Variants in HELB observed in about 807,000 individuals in gnomAD.
HELB encodes DNA helicase B, also known as DNA 5'-3' helicase B.
In HELB, 96 loss-of-function variants were observed where a neutral mutation model predicts 101.7. The ratio of observed to expected loss-of-function variants is 0.94; its 90% confidence interval spans 0.80 to 1.12. The LOEUF (loss-of-function observed/expected upper bound fraction) is 1.12. Among genes scored for constraint, HELB ranks in the 50% most tolerant of loss-of-function variants. HELB has a pLI of 0.00. For missense variants in HELB, 1,210 were observed against 1,291.9 expected (o/e 0.94, Z 0.97); for synonymous variants, 437 against 459.7 (o/e 0.95, Z 0.63).
At chr12:66,326,101 A>G (rs1159156170) in intron 11 of HELB, among the ~76,000 whole-genome samples, 1 of 152,156 alleles carries the variant, frequency 6.6e-6, no homozygotes, top group Non-Finnish European at 1.5e-5. Flanking sequence ...AGGACAGCAT[A>G]TTGAGTTTAG....
chr12:66,318,658 C>T lies in HELB; in HGVS notation c.2021C>T (p.Pro674Leu), dbSNP rs748005915. 6.3e-7 allele frequency: 1 copy of T among 1,593,148 alleles called. No homozygotes were observed. Among genetic ancestry groups the T allele is most frequent in the South Asian group, 1.2e-5 (1 of 86,624 alleles). The change falls in exon 7 of 13, where the codon CCA (proline) becomes CTA (leucine). Residue 674 changes from proline to leucine, a missense_variant. By Grantham distance (98) the Pro-to-Leu change is moderately conservative. Around this residue, in one of 2 missense-constraint regions of HELB, gnomAD observed 740 missense variants for 728.8 expected, o/e 1.02. Coordinates refer to ENST00000247815, the MANE Select transcript of HELB (RefSeq NM_001370285.1). ...TCAAGAATCTCAAGACGCCAATTTC[C>T]AAAATTTGATGCAGAACTAAATATC... is the stretch of plus-strand genomic sequence containing the variant. ...NATRISRRQF[P>L]KFDAELNISD...
chr12:66,305,530 G>A lies in HELB; in HGVS notation c.607+380G>A, dbSNP rs531821728. Among the ~76,000 whole-genome samples the A allele has an allele frequency of 1.3e-4, 20 of 152,058 alleles. 1 individual carries two copies. The East Asian group carries it at 3.1e-3, about 23-fold the overall frequency. The stretch of plus-strand genomic sequence containing the variant: ...ACTGAGGCAGGAGGATCACTTGAGC[G>A]CAGGAGATCGAGACTAGCCTGAGCA... On this transcript the variant is annotated intron_variant, in intron 2 of 12. Coordinates refer to ENST00000247815, the MANE Select transcript of HELB (RefSeq NM_001370285.1).
intron 4 of HELB, among the ~76,000 whole-genome samples, chr12:66,311,808 G>T (rs185974501): frequency 6.6e-6 from 1 of 152,156 alleles, no homozygotes; most frequent in Admixed American, 6.6e-5. Context: ...AGTTGGAGAG[G>T]TTCCTCTAGC....
chr12:66,336,638 A>G (rs938691071), intron 12 of HELB, among the ~76,000 whole-genome samples: 2 of 152,196 alleles, frequency 1.3e-5, no homozygotes, highest in Admixed American at 1.3e-4. Context: ...GATATGGCAC[A>G]GGGAAAACGT....
At position 66,324,224 on chromosome 12, in the gene HELB, A is replaced by G; in HGVS notation, c.2526+13A>G. On this transcript the variant is annotated intron_variant, in intron 10 of 12. Coordinates refer to ENST00000247815, the MANE Select transcript of HELB (RefSeq NM_001370285.1). ...TTTCATAACAAATGTAAGTGAAAAC[A>G]GAAGATAATATCTTTTAACTAATTA... The G allele has an allele frequency of 6.6e-7, 1 of 1,514,462 alleles. No individual in the cohort carries two copies. The highest frequency in any genetic ancestry group is 9.2e-7 in the Non-Finnish European group (1 of 1,090,580). The allele number at this position is 1,514,462 out of a possible 1,614,324, so 93.8% of individuals were successfully genotyped here.
chr12:66,326,046 A>C (rs1038174630), intron 11 of HELB, among the ~76,000 whole-genome samples: 8 of 152,352 alleles, frequency 5.3e-5, no homozygotes, highest in African/African-American at 1.9e-4. Context: ...AACTATGCAT[A>C]TTCGAATTGC....
At position 66,318,618 on chromosome 12, in the gene HELB, G is replaced by A; in HGVS notation, c.2001-20G>A. The A allele has an allele frequency of 6.3e-7, 1 of 1,585,148 alleles. No individual in the cohort carries two copies. Among genetic ancestry groups the A allele is most frequent in the Non-Finnish European group, 8.5e-7 (1 of 1,171,788 alleles). On this transcript the variant is annotated intron_variant, in intron 6 of 12. Transcript: ENST00000247815. The stretch of plus-strand genomic sequence containing the variant: ...TTGGATGATAATGTTCTTTGTGTGT[G>A]TGTGTTATCTTTATTCAAGAATCTC...
chr12:66,321,974 C>A lies in HELB; in HGVS notation c.2182C>A (p.Leu728Ile). 1.7e-6 allele frequency: 2 copies of A among 1,189,316 alleles called. No homozygotes were observed. Among genetic ancestry groups the A allele is most frequent in the Non-Finnish European group, 2.4e-6 (2 of 823,912 alleles). 73.7% of individuals were successfully genotyped at this position (1,189,316 alleles called of 1,614,324 possible). A position where few individuals can be genotyped will look rare whatever the true frequency, so the allele number is the denominator to read the frequency against. ...SCLYSAVKTL[L>I]QENNLQNAKT... Reference sequence around the variant, plus strand: ...TTTATATTCTGCAGTTAAAACTTTACTACAAGAAAATAACTTACAAAATGC... The same window carrying A: ...TTTATATTCTGCAGTTAAAACTTTAATACAAGAAAATAACTTACAAAATGC... Residue 728 changes from leucine (L) to isoleucine (I), a missense_variant, in exon 8 of 13, where the codon CTA (leucine) becomes ATA (isoleucine). Leu to Ile is a conservative substitution (Grantham distance 5, BLOSUM62 2). Coordinates refer to ENST00000247815, the MANE Select transcript of HELB (RefSeq NM_001370285.1).
chr12:66,303,586 T>A (rs1342902689), intron 1 of HELB, among the ~76,000 whole-genome samples: 3 of 151,958 alleles, frequency 2.0e-5, no homozygotes, highest in Non-Finnish European at 4.4e-5. Flanking sequence ...TGAGCTGAGA[T>A]CACACCATTG....
rs2053638545 is a variant in HELB, at chr12:66,318,779, T to C, written c.2142T>C (p.Thr714=). The C allele has an allele frequency of 6.2e-7, 1 of 1,605,372 alleles. No homozygotes were observed. Among genetic ancestry groups the C allele is most frequent in the Non-Finnish European group, 8.5e-7 (1 of 1,177,334 alleles). The stretch of plus-strand genomic sequence containing the variant: ...ATGCCAGTTCTCAGTCATCTAAAAC[T>C]AATCATCACTCTTGTAAGTATAAAC... ...EEDASSQSSK[T]NHHSCLYSAV... is the part of the protein sequence containing the mutation. The change falls in exon 7 of 13, where the codon ACT becomes ACC. Residue 714 remains threonine (T), a synonymous_variant. Coordinates refer to ENST00000247815, the MANE Select transcript of HELB (RefSeq NM_001370285.1).
At chr12:66,304,686 A>G in intron 1 of HELB, 45 bp from the exon 2 acceptor site, 1 of 1,520,074 alleles carries the variant, frequency 6.6e-7, no homozygotes, top group Non-Finnish European at 8.9e-7. Context: ...TTTCTAAATA[A>G]TCTCCAGAGT....
intron 6 of HELB, among the ~76,000 whole-genome samples, chr12:66,318,159 A>G (rs985975243): frequency 2.0e-5 from 3 of 152,182 alleles, no homozygotes; most frequent in Non-Finnish European, 4.4e-5. Context: ...GTTCAAATTA[A>G]TTTATATAGA....
chr12:66,302,621 G>A lies in HELB; in HGVS notation c.18G>A (p.Pro6=), dbSNP rs769301906. The change falls in exon 1 of 13, where the codon CCG becomes CCA. Residue 6 remains proline (P), a synonymous_variant. Transcript: ENST00000247815. The stretch of plus-strand genomic sequence containing the variant: ...GGAGAAGCATGGCCAGGTCGAGTCC[G>A]TACCTGCGCCAACTTCAGGGACCTC... MARSS[P]YLRQLQGPLL... The A allele has an allele frequency of 3.1e-6, 5 of 1,613,784 alleles. No individual in the cohort carries two copies. In the South Asian group the frequency reaches 5.5e-5, roughly 18 times the overall value.
chr12:66,313,912 A>G (rs1484573759), intron 4 of HELB, 74 bp from the exon 5 acceptor site: 2 of 1,421,212 alleles, frequency 1.4e-6, no homozygotes, highest in Admixed American at 1.7e-5. Context: ...TTTTGCCCCA[A>G]AATAACTTGC....
rs2053802202 is a variant in HELB at position 66,331,232 on chromosome 12, A to C, written c.2749A>C (p.Thr917Pro). 1 of 1,614,216 alleles carries C rather than the reference A, an allele frequency of 6.2e-7. No individual in the cohort carries two copies. Among genetic ancestry groups the C allele is most frequent in the Non-Finnish European group, 8.5e-7 (1 of 1,180,028 alleles). The change falls in exon 12 of 13, where the codon ACC becomes CCC. Residue 917 changes from threonine (T) to proline (P), a missense_variant. Around this residue, in one of 2 missense-constraint regions of HELB, gnomAD observed 740 missense variants for 728.8 expected, o/e 1.02. Coordinates refer to ENST00000247815, the MANE Select transcript of HELB (RefSeq NM_001370285.1). ...QHWQHVYTAV[T>P]RGRCRVYVIA... ...CTGGCAGCATGTCTACACCGCCGTGACCAGGGGCCGCTGCCGAGTGTATGT... is the reference window on the plus strand; with the variant it reads ...CTGGCAGCATGTCTACACCGCCGTGCCCAGGGGCCGCTGCCGAGTGTATGT...
In HELB at chr12:66,302,512, A is replaced by G. The variant is rs1381874206; in HGVS notation, c.-92A>G. The G allele has an allele frequency of 2.5e-6, 3 of 1,180,378 alleles. No individual in the cohort carries two copies. The Admixed American group carries it at 6.9e-5, about 27-fold the overall frequency. 73.1% of individuals were successfully genotyped at this position (1,180,378 alleles called of 1,614,324 possible). A position where few individuals can be genotyped will look rare whatever the true frequency, so the allele number is the denominator to read the frequency against. On this transcript the variant is annotated 5_prime_UTR_variant, in exon 1 of 13. It removes an upstream start codon present in the reference 5' UTR. Transcript: ENST00000247815. ...GCCGCCAGGCCGTTCCCGGAAGTTG[A>G]TGGCCTTACAGTCGTAGAACTGATT...
chr12:66,310,659 C>T (rs967249059), intron 4 of HELB, 51 bp downstream of exon 4: 2 of 1,521,608 alleles, frequency 1.3e-6, no homozygotes, highest in Non-Finnish European at 8.9e-7. Context: ...CGGCCGGGCA[C>T]AGTGGCTCAC....
intron 9 of HELB, among the ~76,000 whole-genome samples, chr12:66,322,996 A>T (rs2053689771): frequency 6.6e-6 from 1 of 152,024 alleles, no homozygotes; most frequent in Non-Finnish European, 1.5e-5. Context: ...TAAGAAGAAA[A>T]ATTAGGAGTG....
intron 4 of HELB, among the ~76,000 whole-genome samples, chr12:66,311,036 G>A (rs10784524): frequency 0.63 from 96,361 of 152,000 alleles, 31,659 homozygotes; most frequent in Middle Eastern, 0.82. Context: ...TGCAGTAACT[G>A]ATCATTTAGA....
Sources: allele counts gnomAD v4.1 joint callset (sites outside exome capture counted in the v4.1 genomes callset), GRCh38; gene constraint gnomAD v4.1.1; regional missense constraint gnomAD v4.1.1; transcripts MANE v1.5; gene names NCBI Gene and HGNC (gene_info 2026-07-23, HGNC 2026-07-21).